Variants in SPATA6 observed in about 807,000 individuals in gnomAD.
SPATA6 encodes spermatogenesis associated 6, also known as spermatogenesis-associated protein 6.
Under a neutral mutation model 65.3 loss-of-function variants are expected in SPATA6, and 56 were observed. That is an observed-to-expected ratio of 0.86 (90% CI 0.69 to 1.07). The LOEUF is 1.07. SPATA6 is among the 50% of genes least tolerant of loss of function. SPATA6 has a pLI of 0.00. For synonymous variants in SPATA6, 199 were observed against 213.2 expected (o/e 0.93, Z 0.58); for missense variants, 590 against 594.8 (o/e 0.99, Z 0.08).
chr1:48,410,155 T>C (rs1384715314), intron 5 of SPATA6, among the ~76,000 whole-genome samples: 1 of 152,230 alleles, frequency 6.6e-6, no homozygotes, highest in Non-Finnish European at 1.5e-5. Context: ...AATGCTTTGC[T>C]GCTTAGAAAT....
chr1:48,277,879 C>A, the SPATA6 span, among the ~76,000 whole-genome samples: 1 of 152,230 alleles, frequency 6.6e-6, no homozygotes, highest in African/African-American at 2.4e-5. Context: ...ACTGCCTCCT[C>A]AAGTGGGTCC....
chr1:48,264,672 T>C, the SPATA6 span, among the ~76,000 whole-genome samples: 2 of 152,186 alleles, frequency 1.3e-5, no homozygotes, highest in African/African-American at 4.8e-5. Context: ...TCCAGTTTCA[T>C]CCATGTCCCT....
rs77505526 is a variant in SPATA6 at position 48,339,024 on chromosome 1, C to A, written c.1194+16646G>T. On this transcript the variant is annotated intron_variant, in intron 11 of 12. Coordinates refer to ENST00000371847, the MANE Select transcript of SPATA6 (RefSeq NM_019073.4). ...TGGTAATTATGCAGAGACACAGTGA[C>A]AAAACCAGAGAGCAGGGGACTGAAA... 9.0e-3 allele frequency among the ~76,000 whole-genome samples: 1,368 copies of A among 152,024 alleles called. 18 individuals are homozygous for A. The highest frequency in any genetic ancestry group is 0.031 in the African/African-American group (1,290 of 41,502).
chr1:48,467,956 A>G (rs1657939639), intron 1 of SPATA6, among the ~76,000 whole-genome samples: 1 of 152,216 alleles, frequency 6.6e-6, no homozygotes, highest in African/African-American at 2.4e-5. Context: ...TGTAAATTAG[A>G]AGAGCCATTA....
Position 48,439,276 on chromosome 1 carries a change from C to G in SPATA6, c.238+12276G>C, listed in dbSNP as rs565345308. Among the ~76,000 whole-genome samples, 3 of 152,280 alleles carry G rather than the reference C, an allele frequency of 2.0e-5. No homozygotes were observed. The East Asian group carries it at 5.8e-4, about 29-fold the overall frequency. ...AATGCGTCGGTAAGGGCCACTAAAT[C>G]TGACCTTCCTCAGTCCTCCTTGTGG... On this transcript the variant is annotated intron_variant, in intron 3 of 12. Transcript: ENST00000371847.
chr1:48,390,296 T>C (rs1457487354), intron 8 of SPATA6, among the ~76,000 whole-genome samples: 2 of 152,162 alleles, frequency 1.3e-5, no homozygotes, highest in Non-Finnish European at 2.9e-5. Context: ...GGGGTCATTA[T>C]TTTAAGTGAA....
chr1:48,315,871 T>G (rs1435503062), intron 11 of SPATA6, among the ~76,000 whole-genome samples: 2 of 151,892 alleles, frequency 1.3e-5, no homozygotes, highest in Admixed American at 1.3e-4. Flanking sequence ...TGTGAAAAAA[T>G]CACAAGGATT....
At chr1:48,414,072 C>T (rs1652529639) in intron 3 of SPATA6, among the ~76,000 whole-genome samples, 1 of 152,166 alleles carries the variant, frequency 6.6e-6, no homozygotes, top group Non-Finnish European at 1.5e-5. Context: ...TTCTCTGCTT[C>T]TTGAGAGCAC....
At chr1:48,388,735 G>A (rs558530581) in intron 8 of SPATA6, among the ~76,000 whole-genome samples, 1 of 151,086 alleles carries the variant, frequency 6.6e-6, no homozygotes, top group East Asian at 1.9e-4. Context: ...TTGAGATAGG[G>A]TCTCACTCTG....
intron 1 of SPATA6, among the ~76,000 whole-genome samples, chr1:48,456,085 C>G (rs149251674): frequency 7.2e-5 from 11 of 152,288 alleles, no homozygotes; most frequent in Non-Finnish European, 1.6e-4. Context: ...AGCCATAACC[C>G]TTCACCTCTG....
At chr1:48,280,206 A>G in the SPATA6 span, among the ~76,000 whole-genome samples, 1 of 152,214 alleles carries the variant, frequency 6.6e-6, no homozygotes. Flanking sequence ...AATTTATAGC[A>G]CTAAATGCCC....
At chr1:48,405,499 G>A (rs1403422943) in intron 5 of SPATA6, among the ~76,000 whole-genome samples, 1 of 152,188 alleles carries the variant, frequency 6.6e-6, no homozygotes, top group Admixed American at 6.5e-5. Flanking sequence ...TGGAGTTTGA[G>A]AATCTGCTTC....
rs138314362 is a variant in SPATA6 at position 48,308,293 on chromosome 1, C to G, written c.1195-2415G>C. On this transcript the variant is annotated intron_variant, in intron 11 of 12. Coordinates refer to ENST00000371847, the MANE Select transcript of SPATA6 (RefSeq NM_019073.4). The stretch of plus-strand genomic sequence containing the variant: ...AAATAACATCTTAATACAGAAGAAT[C>G]TAAGTTTAGATGATATCAACTTAAT... Among the ~76,000 whole-genome samples, 121 of 152,124 alleles carry G rather than the reference C, an allele frequency of 8.0e-4. 1 individual carries two copies. Among genetic ancestry groups the G allele is most frequent in the African/African-American group, 2.9e-3 (119 of 41,558 alleles).
At chr1:48,470,436 A>C (rs1298519259) in intron 1 of SPATA6, among the ~76,000 whole-genome samples, 1 of 152,172 alleles carries the variant, frequency 6.6e-6, no homozygotes, top group Admixed American at 6.5e-5. Flanking sequence ...TTCTTGCTAA[A>C]CTAATTTTAC....
At chr1:48,312,278 T>A (rs1345184228) in intron 11 of SPATA6, among the ~76,000 whole-genome samples, 1 of 152,118 alleles carries the variant, frequency 6.6e-6, no homozygotes, top group African/African-American at 2.4e-5. Flanking sequence ...CTCAAGTGGG[T>A]CCCTGACACC....
chr1:48,314,103 C>T (rs1283609871), intron 11 of SPATA6, among the ~76,000 whole-genome samples: 1 of 152,142 alleles, frequency 6.6e-6, no homozygotes, highest in African/African-American at 2.4e-5. Context: ...GAGACTTTGA[C>T]ACCCCACTGT....
intron 1 of SPATA6, among the ~76,000 whole-genome samples, chr1:48,471,263 T>C (rs983080921): frequency 6.6e-6 from 1 of 151,952 alleles, no homozygotes; most frequent in Non-Finnish European, 1.5e-5. Flanking sequence ...GGTTGCAAGG[T>C]TGGAGAAGGA....
chr1:48,465,006 A>C (rs1657711583), intron 1 of SPATA6, among the ~76,000 whole-genome samples: 1 of 152,212 alleles, frequency 6.6e-6, no homozygotes, highest in Non-Finnish European at 1.5e-5. Context: ...AAATTAGAAA[A>C]TGAAAAACAT....
At chr1:48,355,110 C>T (rs1208388512) in intron 11 of SPATA6, among the ~76,000 whole-genome samples, 1 of 152,038 alleles carries the variant, frequency 6.6e-6, no homozygotes, top group African/African-American at 2.4e-5. Flanking sequence ...TAAAAAAGTA[C>T]TGTCATTATT....
Sources: gnomAD v4.1 joint callset for allele counts (sites outside exome capture counted in the v4.1 genomes callset) on GRCh38, gnomAD v4.1.1 for gene constraint, MANE v1.5 for transcripts, NCBI Gene and HGNC (gene_info 2026-07-23, HGNC 2026-07-21) for gene names.